Variants in SYT1 observed in about 807,000 individuals in gnomAD.
The protein encoded by SYT1 is synaptotagmin 1.
In SYT1, 8 loss-of-function variants were observed where a neutral mutation model predicts 44.8. That is an observed-to-expected ratio of 0.18 (90% CI 0.10 to 0.32). The LOEUF (loss-of-function observed/expected upper bound fraction) is 0.32, where lower values mean the gene tolerates loss of function less well. Among genes scored for constraint, SYT1 ranks in the 10% least tolerant of loss-of-function variants. The pLI, the probability that SYT1 is intolerant of heterozygous loss-of-function variation, is 1.00. For synonymous variants in SYT1, 154 were observed against 188.8 expected, an observed-to-expected ratio of 0.82 and a Z score of 1.51; for missense variants, 286 against 509.3, an observed-to-expected ratio of 0.56 and a Z score of 4.22.
intron 4 of SYT1, among the ~76,000 whole-genome samples, chr12:79,231,652 T>C (rs1464247286): frequency 6.6e-6 from 1 of 152,306 alleles, no homozygotes; most frequent in East Asian, 1.9e-4. Flanking sequence ...TATTGTTCAA[T>C]GCCTTGAAGG....
chr12:79,159,611 A>G (rs1234332304), intron 3 of SYT1, among the ~76,000 whole-genome samples: 2 of 152,096 alleles, frequency 1.3e-5, no homozygotes, highest in African/African-American at 4.8e-5. Flanking sequence ...ATAGGTATGT[A>G]TATGTAGGAA....
intron 9 of SYT1, among the ~76,000 whole-genome samples, chr12:79,395,150 G>C (rs1465044): frequency 6.6e-6 from 1 of 151,998 alleles, no homozygotes; most frequent in South Asian, 2.1e-4. Flanking sequence ...ATAAACCATG[G>C]CTGCATTTAA....
intron 3 of SYT1, among the ~76,000 whole-genome samples, chr12:79,063,150 A>G (rs933974668): frequency 5.3e-5 from 8 of 152,162 alleles, no homozygotes; most frequent in African/African-American, 1.9e-4. Context: ...TTGTGAGACC[A>G]TCTTGAGGCT....
At chr12:79,065,378 G>A (rs1210890845) in intron 3 of SYT1, among the ~76,000 whole-genome samples, 3 of 152,108 alleles carry the variant, frequency 2.0e-5, no homozygotes, top group African/African-American at 4.8e-5. Flanking sequence ...GCGACTGAGC[G>A]AGACTCTGTC....
intron 8 of SYT1, among the ~76,000 whole-genome samples, chr12:79,344,390 A>G (rs1882512726): frequency 6.6e-6 from 1 of 152,200 alleles, no homozygotes; most frequent in Non-Finnish European, 1.5e-5. Context: ...AAAATAGTGA[A>G]TGAATACACA....
intron 9 of SYT1, among the ~76,000 whole-genome samples, chr12:79,424,622 AG>A (rs1869324210): frequency 6.6e-6 from 1 of 152,128 alleles, no homozygotes; most frequent in African/African-American, 2.4e-5. Flanking sequence ...AGGCTTTTTA[AG>A]GACTGCTGGA....
intron 3 of SYT1, among the ~76,000 whole-genome samples, chr12:79,091,560 G>A (rs796928047): frequency 6.6e-6 from 1 of 152,008 alleles, no homozygotes; most frequent in South Asian, 2.1e-4. Context: ...TTTATCTGGA[G>A]TCAACCAGCT....
chr12:78,871,637 C>A (rs1302357305), intron 1 of SYT1, among the ~76,000 whole-genome samples: 1 of 151,854 alleles, frequency 6.6e-6, no homozygotes, highest in Non-Finnish European at 1.5e-5. Context: ...CAGTTGAGCT[C>A]TAGCAATCAG....
intron 4 of SYT1, among the ~76,000 whole-genome samples, chr12:79,280,973 A>G (rs1194863657): frequency 6.9e-6 from 1 of 144,966 alleles, no homozygotes; most frequent in African/African-American, 2.4e-5. Flanking sequence ...CAGAATGGCC[A>G]TTAATAAAAA....
intron 1 of SYT1, among the ~76,000 whole-genome samples, chr12:78,925,198 A>G (rs1157821630): frequency 1.3e-5 from 2 of 151,802 alleles, no homozygotes; most frequent in Non-Finnish European, 2.9e-5. Context: ...CCTTTTCCAT[A>G]TTTGTAATTC....
At chr12:79,033,416 T>A (rs1265545037) in intron 2 of SYT1, among the ~76,000 whole-genome samples, 1 of 151,434 alleles carries the variant, frequency 6.6e-6, no homozygotes, top group Non-Finnish European at 1.5e-5. Flanking sequence ...TTACATTACT[T>A]TAAAAACATC....
chr12:79,004,415 C>G (rs1025889517), intron 2 of SYT1, among the ~76,000 whole-genome samples: 4 of 151,920 alleles, frequency 2.6e-5, no homozygotes, highest in African/African-American at 9.7e-5. Context: ...GAGCTCTACA[C>G]AAATTTTGCC....
intron 3 of SYT1, among the ~76,000 whole-genome samples, chr12:79,132,738 C>T (rs1314294860): frequency 7.1e-6 from 1 of 140,822 alleles, no homozygotes; most frequent in Non-Finnish European, 1.5e-5. Context: ...CCAGCAATCT[C>T]AATACTGGGT....
chr12:79,439,759 A>G (rs2136193851), intron 9 of SYT1, among the ~76,000 whole-genome samples: 1 of 152,278 alleles, frequency 6.6e-6, no homozygotes, highest in East Asian at 1.9e-4. Context: ...AAGAGGTGAA[A>G]TAACTTCTCC....
chr12:79,114,367 G>A (rs2138103493), intron 3 of SYT1, among the ~76,000 whole-genome samples: 1 of 152,258 alleles, frequency 6.6e-6, no homozygotes, highest in South Asian at 2.1e-4. Context: ...CCTGGTACAT[G>A]TAGGATAATC....
intron 3 of SYT1, among the ~76,000 whole-genome samples, chr12:79,209,873 G>C (rs192177929): frequency 1.3e-5 from 2 of 152,206 alleles, no homozygotes; most frequent in Admixed American, 1.3e-4. Flanking sequence ...ATATCTCCCA[G>C]CTTCTTTTTA....
intron 1 of SYT1, among the ~76,000 whole-genome samples, chr12:78,904,086 G>A (rs906591718): frequency 3.3e-5 from 5 of 151,550 alleles, no homozygotes; most frequent in Non-Finnish European, 5.9e-5. Context: ...TAGAATCCCC[G>A]GTAACCAAAA....
chr12:79,111,175 C>T (rs1279417769), intron 3 of SYT1, among the ~76,000 whole-genome samples: 1 of 151,924 alleles, frequency 6.6e-6, no homozygotes, highest in Non-Finnish European at 1.5e-5. Flanking sequence ...TGATCTAGCG[C>T]AGTATTTGTA....
chr12:79,112,447 T>C (rs1421128603), intron 3 of SYT1, among the ~76,000 whole-genome samples: 1 of 152,092 alleles, frequency 6.6e-6, no homozygotes, highest in Non-Finnish European at 1.5e-5. Context: ...ACTAAGGAAT[T>C]CATTCATAAT....
Sources: gnomAD v4.1 joint callset for allele counts (sites outside exome capture counted in the v4.1 genomes callset) on GRCh38, gnomAD v4.1.1 for gene constraint, MANE v1.5 for transcripts, NCBI Gene and HGNC (gene_info 2026-07-23, HGNC 2026-07-21) for gene names.